Variants in EFCAB11 observed in about 807,000 individuals in gnomAD.
The protein encoded by EFCAB11 is EF-hand calcium binding domain 11.
Under a neutral mutation model 23.0 loss-of-function variants are expected in EFCAB11, and 14 were observed. The ratio of observed to expected loss-of-function variants is 0.61; its 90% CI spans 0.40 to 0.95. The LOEUF (loss-of-function observed/expected upper bound fraction) is 0.95. Ranked by LOEUF, EFCAB11 falls within the 40% of genes least tolerant of loss-of-function variation. The pLI, the probability that EFCAB11 is intolerant of heterozygous loss-of-function variation, is 0.00. For synonymous variants in EFCAB11, 65 were observed against 66.6 expected (o/e 0.98, Z 0.11); for missense variants, 198 against 195.8 (o/e 1.01, Z -0.07).
chr14:89,909,382 A>T (rs1053429876), intron 5 of EFCAB11, among the ~76,000 whole-genome samples: 1 of 152,222 alleles, frequency 6.6e-6, no homozygotes, highest in Admixed American at 6.5e-5. Flanking sequence ...GTTTGAGACC[A>T]GCCTGGCCAA....
intron 5 of EFCAB11, among the ~76,000 whole-genome samples, chr14:89,834,394 A>C (rs1446582775): frequency 7.3e-5 from 11 of 150,610 alleles, no homozygotes; most frequent in East Asian, 3.9e-4. Context: ...AAAAAAAAAA[A>C]AAAAAAAAAC....
intron 3 of EFCAB11, among the ~76,000 whole-genome samples, chr14:89,945,076 T>C (rs1161578351): frequency 6.6e-6 from 1 of 150,928 alleles, no homozygotes; most frequent in Admixed American, 6.6e-5. Context: ...AAATATTAGA[T>C]TTTAAATCTA....
At position 89,896,389 on chromosome 14, in the gene EFCAB11, CA is replaced by C. The variant is rs796495764; in HGVS notation, c.410+35151del. On this transcript the variant is annotated intron_variant, in intron 5 of 5. Coordinates refer to ENST00000316738, the MANE Select transcript of EFCAB11 (RefSeq NM_145231.4). ...TGGGTGGCAGAGCGAGACTCTGTCTCAAAAAAAAAAAGAAGCCTGGCAAGAG... is the reference window on the plus strand; with the variant it reads ...TGGGTGGCAGAGCGAGACTCTGTCTCAAAAAAAAAAGAAGCCTGGCAAGAG... 2.9e-3 allele frequency among the ~76,000 whole-genome samples: 403 copies of C among 136,928 alleles called. 1 individual carries two copies. The highest frequency in any genetic ancestry group is 8.3e-3 in the African/African-American group (313 of 37,512). 89.8% of individuals were successfully genotyped at this position (136,928 alleles called of 152,430 possible).
At position 89,906,172 on chromosome 14, in the gene EFCAB11, A is replaced by AAAATAAAT. The variant is rs59351985; in HGVS notation, c.410+25361_410+25368dup. On this transcript the variant is annotated intron_variant, in intron 5 of 5. Transcript: ENST00000316738. ...AATGCCTGGCACTCATTAGAGCACT[A>AAAATAAAT]AAATAAATAAATAAATAAATAAATA... 9.7e-3 allele frequency among the ~76,000 whole-genome samples: 1,411 copies of AAAATAAAT among 145,120 alleles called. 7 individuals carry two copies. The highest frequency in any genetic ancestry group is 0.02 in the African/African-American group (771 of 38,854).
intron 5 of EFCAB11, among the ~76,000 whole-genome samples, chr14:89,797,971 G>C (rs1316230858): frequency 2.6e-5 from 4 of 152,092 alleles, no homozygotes; most frequent in African/African-American, 9.7e-5. Context: ...AGCATAACTG[G>C]TGAGTAGTGG....
intron 5 of EFCAB11, among the ~76,000 whole-genome samples, chr14:89,803,694 A>G (rs1342766838): frequency 6.6e-6 from 1 of 152,202 alleles, no homozygotes; most frequent in Non-Finnish European, 1.5e-5. Context: ...TGAACAGTGA[A>G]AGTAAAAATT....
At chr14:89,887,684 A>G (rs61998721) in intron 5 of EFCAB11, among the ~76,000 whole-genome samples, 3,645 of 152,336 alleles carry the variant, frequency 0.024, 69 homozygotes, top group Non-Finnish European at 0.036. Flanking sequence ...CATATGTACC[A>G]ACCATTTAGA....
intron 5 of EFCAB11, among the ~76,000 whole-genome samples, chr14:89,861,909 G>A (rs1887936481): frequency 6.6e-6 from 1 of 152,196 alleles, no homozygotes; most frequent in African/African-American, 2.4e-5. Flanking sequence ...ACATTGCCAA[G>A]TCTCAGGTAT....
intron 3 of EFCAB11, among the ~76,000 whole-genome samples, chr14:89,944,222 T>C (rs548253483): frequency 1.5e-4 from 23 of 152,312 alleles, no homozygotes; most frequent in African/African-American, 5.3e-4. Context: ...GAGCAAGTCA[T>C]GTCTTACATG....
intron 5 of EFCAB11, among the ~76,000 whole-genome samples, chr14:89,904,121 T>A (rs1889420533): frequency 6.6e-6 from 1 of 151,992 alleles, no homozygotes; most frequent in Non-Finnish European, 1.5e-5. Flanking sequence ...ATGCTATCCC[T>A]CCCCCAGCAC....
chr14:89,808,793 G>A (rs1886058019), intron 5 of EFCAB11, among the ~76,000 whole-genome samples: 1 of 152,002 alleles, frequency 6.6e-6, no homozygotes, highest in Admixed American at 6.5e-5. Flanking sequence ...TGACCAAAAG[G>A]GCTTTTAACA....
chr14:89,902,121 C>T (rs1191126612), intron 5 of EFCAB11, among the ~76,000 whole-genome samples: 1 of 152,142 alleles, frequency 6.6e-6, no homozygotes, highest in African/African-American at 2.4e-5. Context: ...TCGCTGCAAC[C>T]CAGCCACTCT....
intron 5 of EFCAB11, among the ~76,000 whole-genome samples, chr14:89,895,112 A>G (rs370681377): frequency 6.6e-6 from 1 of 152,196 alleles, no homozygotes; most frequent in African/African-American, 2.4e-5. Flanking sequence ...AGACTGCTGT[A>G]AAAACTGCAT....
intron 5 of EFCAB11, among the ~76,000 whole-genome samples, chr14:89,910,808 G>A (rs1259432752): frequency 6.6e-6 from 1 of 152,140 alleles, no homozygotes. Context: ...AGGAAGAATG[G>A]CAGAGGAGGG....
Position 89,954,626 on chromosome 14 carries a change from G to C in EFCAB11, c.35C>G (p.Thr12Arg). 3.1e-6 allele frequency: 5 copies of C among 1,613,536 alleles called. No individual in the cohort carries two copies. Among genetic ancestry groups the C allele is most frequent in the Non-Finnish European group, 4.2e-6 (5 of 1,179,964 alleles). ...FFSEARARSR[T>R]WEASPSEHRK... ...GTGTTCCGAGGGACTGGCTTCCCAC[G>C]TCCGCGACCTGGCTCTGGCCTCGGA... The change falls in exon 1 of 6, where the codon ACG (threonine) becomes AGG (arginine). Residue 12 changes from threonine (T) to arginine (R), a missense_variant. Coordinates refer to ENST00000316738, the MANE Select transcript of EFCAB11 (RefSeq NM_145231.4).
At chr14:89,908,550 TA>T (rs35246734) in intron 5 of EFCAB11, among the ~76,000 whole-genome samples, 1 of 152,160 alleles carries the variant, frequency 6.6e-6, no homozygotes, top group African/African-American at 2.4e-5. Context: ...ATATGAAACT[TA>T]AATGAATTTT....
chr14:89,822,343 C>T (rs1342355288), intron 5 of EFCAB11, among the ~76,000 whole-genome samples: 1 of 152,144 alleles, frequency 6.6e-6, no homozygotes, highest in South Asian at 2.1e-4. Context: ...AGAATGTAGG[C>T]GTATAAGCGT....
At chr14:89,912,565 T>C (rs1566808004) in intron 5 of EFCAB11, among the ~76,000 whole-genome samples, 1 of 152,356 alleles carries the variant, frequency 6.6e-6, no homozygotes, top group East Asian at 1.9e-4. Context: ...ATATATGCTT[T>C]TTTTACATGA....
chr14:89,893,277 G>A (rs1889039865), intron 5 of EFCAB11, among the ~76,000 whole-genome samples: 1 of 152,184 alleles, frequency 6.6e-6, no homozygotes, highest in South Asian at 2.1e-4. Context: ...ATGATTCTGG[G>A]AATGGGATTA....
Sources: allele counts gnomAD v4.1 joint callset (sites outside exome capture counted in the v4.1 genomes callset), GRCh38; gene constraint gnomAD v4.1.1; transcripts MANE v1.5; gene names NCBI Gene and HGNC (gene_info 2026-07-23, HGNC 2026-07-21).